EPB41L3: variants seen among roughly 807,000 people sequenced by gnomAD.
EPB41L3 encodes band 4.1-like protein 3.
In EPB41L3, 57 loss-of-function variants were observed where a neutral mutation model predicts 127.1. The observed-to-expected ratio is 0.45, with a 90% CI of 0.36 to 0.56. The LOEUF is 0.56. Among genes scored for constraint, EPB41L3 ranks in the 20% least tolerant of loss-of-function variants. EPB41L3 has a pLI of 0.00. For synonymous variants in EPB41L3, 572 were observed against 549.5 expected (o/e 1.04, Z -0.57); for missense variants, 1,273 against 1,372.2 (o/e 0.93, Z 1.14).
At chr18:5,499,320 T>C (rs2148480562) in intron 1 of EPB41L3, among the ~76,000 whole-genome samples, 1 of 152,306 alleles carries the variant, frequency 6.6e-6, no homozygotes, top group Non-Finnish European at 1.5e-5. Context: ...GCGGTACTAC[T>C]CTTCACCTCC....
chr18:5,484,036 C>T (rs77071121), intron 2 of EPB41L3, among the ~76,000 whole-genome samples: 1,262 of 122,376 alleles, frequency 0.01, 17 homozygotes, highest in African/African-American at 0.035. Context: ...ACATGGAACA[C>T]TGTCCAGAAC....
chr18:5,496,838 T>C (rs971415911), intron 1 of EPB41L3, among the ~76,000 whole-genome samples: 2 of 151,852 alleles, frequency 1.3e-5, no homozygotes, highest in African/African-American at 4.9e-5. Context: ...AACAGCTGTT[T>C]TGAGGCCTAG....
intron 5 of EPB41L3, 131 bp from the exon 6 acceptor site, chr18:5,438,241 C>T (rs1213102411): frequency 1.3e-5 from 9 of 680,700 alleles, no homozygotes; most frequent in Admixed American, 8.8e-5. Context: ...AACTGGGAAA[C>T]CTTGGTCACA....
At position 5,491,294 on chromosome 18, in the gene EPB41L3, C is replaced by T. The variant is rs111416775; in HGVS notation, c.-11-2100G>A. Among the ~76,000 whole-genome samples, 600 of 152,330 alleles carry T rather than the reference C, an allele frequency of 3.9e-3. 1 individual carries two copies. Among genetic ancestry groups the T allele is most frequent in the Admixed American group, 5.1e-3 (78 of 15,304 alleles). ...ACGGGTCTCTGGATGACCTCATGGA[C>T]CATGACCCACCTACTCTGGACTGTG... On this transcript the variant is annotated intron_variant, in intron 1 of 22. Transcript: ENST00000341928.
intron 3 of EPB41L3, among the ~76,000 whole-genome samples, chr18:5,451,945 T>G (rs944115986): frequency 1.3e-5 from 2 of 152,174 alleles, no homozygotes; most frequent in Admixed American, 1.3e-4. Context: ...TCCAAGTGAT[T>G]CTCTTGCTTC....
intron 1 of EPB41L3, among the ~76,000 whole-genome samples, chr18:5,628,710 AG>A (rs2094952429): frequency 6.6e-6 from 1 of 152,070 alleles, no homozygotes; most frequent in African/African-American, 2.4e-5. Context: ...CGGCGGGCCG[AG>A]GGGGCGGCCG....
At chr18:5,581,223 A>T (rs2094390720) in intron 3 of EPB41L3, among the ~76,000 whole-genome samples, 2 of 152,232 alleles carry the variant, frequency 1.3e-5, no homozygotes, top group Non-Finnish European at 2.9e-5. Flanking sequence ...TGATAGCAAT[A>T]TAATTATGAA....
intron 3 of EPB41L3, among the ~76,000 whole-genome samples, chr18:5,605,851 CAGG>C (rs1425958539): frequency 2.6e-5 from 4 of 152,068 alleles, no homozygotes; most frequent in Non-Finnish European, 4.4e-5. Context: ...GGTTCGGAGG[CAGG>C]AGGTTATCAG....
intron 3 of EPB41L3, chr18:5,612,283 T>G (rs961246193): frequency 6.6e-6 from 1 of 152,194 alleles, no homozygotes; most frequent in Non-Finnish European, 1.5e-5. Flanking sequence ...CAGCAGATAG[T>G]AGGATGAGAG....
intron 2 of EPB41L3, among the ~76,000 whole-genome samples, chr18:5,488,382 G>C (rs2090127772): frequency 6.6e-6 from 1 of 151,932 alleles, no homozygotes; most frequent in Non-Finnish European, 1.5e-5. Flanking sequence ...CATGGACGTA[G>C]GGAGGGGAAC....
At chr18:5,459,811 A>G (rs1023176384) in intron 3 of EPB41L3, among the ~76,000 whole-genome samples, 1 of 152,214 alleles carries the variant, frequency 6.6e-6, no homozygotes, top group African/African-American at 2.4e-5. Flanking sequence ...CTTTTTTTCT[A>G]AAATAAACTA....
intron 16 of EPB41L3, among the ~76,000 whole-genome samples, chr18:5,403,798 A>G (rs1272061869): frequency 5.9e-5 from 9 of 152,162 alleles, no homozygotes; most frequent in Admixed American, 5.9e-4. Flanking sequence ...AGTAGGCTTT[A>G]TTATAAAATA....
At chr18:5,490,923 C>T (rs1192299872) in intron 1 of EPB41L3, among the ~76,000 whole-genome samples, 1 of 152,180 alleles carries the variant, frequency 6.6e-6, no homozygotes, top group African/African-American at 2.4e-5. Flanking sequence ...GGTTTAGAAA[C>T]AGAGATTCAT....
intron 3 of EPB41L3, among the ~76,000 whole-genome samples, chr18:5,551,662 G>C (rs911430458): frequency 6.6e-6 from 1 of 152,150 alleles, no homozygotes; most frequent in African/African-American, 2.4e-5. Flanking sequence ...TGAGGCTGCA[G>C]TGAGTTGTGA....
intron 1 of EPB41L3, among the ~76,000 whole-genome samples, chr18:5,620,103 T>G (rs1048400170): frequency 1.3e-5 from 2 of 151,982 alleles, no homozygotes; most frequent in Non-Finnish European, 2.9e-5. Flanking sequence ...AAGAAAACAA[T>G]CATGAAGTGT....
rs550141737 is a variant in EPB41L3 at position 5,607,488 on chromosome 18, A to G, written c.-306+4852T>C. 5.9e-5 allele frequency among the ~76,000 whole-genome samples: 9 copies of G among 152,304 alleles called. 1 individual carries two copies. The highest frequency in any genetic ancestry group is 2.0e-4 in the Admixed American group (3 of 15,300). ...TCCCTCTGCTTTTGAGAAAGGCCAT[A>G]TTACCCTGACTAATAAAGCAGGAAT... On this transcript the variant is annotated intron_variant, in intron 3 of 21. Transcript: ENST00000545076.
intron 1 of EPB41L3, among the ~76,000 whole-genome samples, chr18:5,495,338 T>C (rs980485156): frequency 1.4e-4 from 20 of 147,012 alleles, no homozygotes; most frequent in African/African-American, 4.1e-4. Flanking sequence ...CCAAGATTCA[T>C]CAATATGGAG....
chr18:5,395,430 C>A (rs188833555), intron 20 of EPB41L3, among the ~76,000 whole-genome samples, 179 bp downstream of exon 20: 2 of 152,182 alleles, frequency 1.3e-5, no homozygotes, highest in Admixed American at 6.5e-5. Context: ...GGAACTCGCA[C>A]GTGAGGACAA....
intron 3 of EPB41L3, among the ~76,000 whole-genome samples, chr18:5,580,256 T>C (rs912611166): frequency 6.6e-6 from 1 of 152,158 alleles, no homozygotes; most frequent in Non-Finnish European, 1.5e-5. Context: ...GACATGTGTA[T>C]AGATACACTT....
Sources: allele counts gnomAD v4.1 joint callset (sites outside exome capture counted in the v4.1 genomes callset), GRCh38; gene constraint gnomAD v4.1.1; transcripts MANE v1.5; gene names NCBI Gene and HGNC (gene_info 2026-07-23, HGNC 2026-07-21).